The following FBXW11 variants were observed in gnomAD, a reference collection of about 807,000 sequenced individuals.
FBXW11 encodes the protein F-box and WD repeat domain containing 11.
A neutral mutation model predicts 77.6 loss-of-function variants in FBXW11; 19 were observed. That is an observed-to-expected ratio of 0.24 (90% CI 0.17 to 0.36). The LOEUF (loss-of-function observed/expected upper bound fraction) is 0.36, where lower values mean the gene tolerates loss of function less well. FBXW11 is among the 10% of genes least tolerant of loss of function. The pLI is 1.00. For missense variants in FBXW11, 334 were observed against 704.2 expected (o/e 0.47, Z 5.95); for synonymous variants, 235 against 249.4 (o/e 0.94, Z 0.54).
intron 1 of FBXW11, among the ~76,000 whole-genome samples, chr5:171,982,303 C>G (rs575208406): frequency 1.3e-5 from 2 of 151,956 alleles, no homozygotes; most frequent in South Asian, 4.2e-4. Flanking sequence ...GAGTTTTGCT[C>G]TTGTTGCCCA....
chr5:171,878,184 A>C, intron 7 of FBXW11, 55 bp from the exon 8 acceptor site: 2 of 1,240,156 alleles, frequency 1.6e-6, no homozygotes, highest in Non-Finnish European at 2.4e-6. Flanking sequence ...ATTTTGATGA[A>C]TGTTACTGTC....
intron 12 of FBXW11, 150 bp from the exon 13 acceptor site, chr5:171,868,946 C>T (rs1757597619): frequency 1.6e-6 from 1 of 629,390 alleles, no homozygotes; most frequent in Admixed American, 3.5e-5. Context: ...TCCTTCATCC[C>T]AAGAACAAAT....
intron 2 of FBXW11, among the ~76,000 whole-genome samples, chr5:171,939,958 T>C (rs929295270): frequency 6.6e-6 from 1 of 152,160 alleles, no homozygotes; most frequent in Non-Finnish European, 1.5e-5. Context: ...TAAATCTCTA[T>C]AGACTACTTA....
chr5:171,892,743 C>G (rs915237205), intron 6 of FBXW11, among the ~76,000 whole-genome samples: 1 of 152,194 alleles, frequency 6.6e-6, no homozygotes, highest in African/African-American at 2.4e-5. Flanking sequence ...AATGTCTCTA[C>G]TAAGAGTAAC....
intron 2 of FBXW11, among the ~76,000 whole-genome samples, chr5:171,924,567 G>A (rs528158293): frequency 7.9e-5 from 12 of 152,114 alleles, no homozygotes; most frequent in African/African-American, 2.7e-4. Context: ...TCTTGGATGC[G>A]GGACAAGAAC....
chr5:171,870,937 C>T (rs1385856103), intron 10 of FBXW11, 79 bp from the exon 11 acceptor site: 1 of 902,268 alleles, frequency 1.1e-6, no homozygotes, highest in Non-Finnish European at 1.8e-6. Context: ...ATATCTGTTC[C>T]ATACAGATAC....
chr5:171,862,406 T>C lies in FBXW11; in HGVS notation c.*1721A>G, dbSNP rs994025455. ...ACACACACTGATCCCCACACCGTTCTCAATGCAAAGGACAAATCAGAGCCC... is the reference window on the plus strand; with the variant it reads ...ACACACACTGATCCCCACACCGTTCCCAATGCAAAGGACAAATCAGAGCCC... On this transcript the variant is annotated 3_prime_UTR_variant, in exon 14 of 14. Transcript: ENST00000517395. 1 of 129,252 alleles carries C rather than the reference T, an allele frequency of 7.7e-6. No homozygotes were observed. The highest frequency in any genetic ancestry group is 8.4e-5 in the Admixed American group (1 of 11,910). 8.0% of individuals were successfully genotyped at this position (129,252 alleles called of 1,614,324 possible).
intron 2 of FBXW11, among the ~76,000 whole-genome samples, chr5:171,915,983 G>C (rs1317043293): frequency 6.6e-6 from 1 of 150,690 alleles, no homozygotes; most frequent in South Asian, 2.1e-4. Context: ...GCAAACTATC[G>C]CAAGGACAAA....
intron 6 of FBXW11, among the ~76,000 whole-genome samples, chr5:171,896,455 C>G (rs921770497): frequency 6.6e-6 from 1 of 152,126 alleles, no homozygotes; most frequent in African/African-American, 2.4e-5. Flanking sequence ...AACTCATACC[C>G]TTTTTTCAAC....
In FBXW11 at chr5:171,876,559, T is replaced by C. The variant is rs764474794; in HGVS notation, c.972-25A>G. On this transcript the variant is annotated intron_variant, in intron 8 of 13. Coordinates refer to ENST00000517395, the MANE Select transcript of FBXW11 (RefSeq NM_001378974.1). The surrounding 1 kb of genome is among the most constrained non-coding windows in gnomAD (Gnocchi z 4.2). ...TCTAGGAGAGAAGAGAAAAGCATGA[T>C]GCTTAATTATGGAGACAGCCAGGAA... The C allele has an allele frequency of 6.2e-7, 1 of 1,607,088 alleles. No individual in the cohort carries two copies. The highest frequency in any genetic ancestry group is 2.2e-5 in the East Asian group (1 of 44,668).
intron 1 of FBXW11, among the ~76,000 whole-genome samples, chr5:171,971,143 A>G (rs1360476937): frequency 6.6e-6 from 1 of 152,164 alleles, no homozygotes; most frequent in Non-Finnish European, 1.5e-5. Flanking sequence ...GTTCCTCTAA[A>G]TCTCTCACAC....
At chr5:171,919,552 G>A in intron 2 of FBXW11, among the ~76,000 whole-genome samples, 1 of 152,174 alleles carries the variant, frequency 6.6e-6, no homozygotes, top group East Asian at 1.9e-4. Flanking sequence ...TAGCTCCAAA[G>A]AAGAATAGAG....
intron 2 of FBXW11, among the ~76,000 whole-genome samples, chr5:171,936,504 A>C (rs1249482768): frequency 3.3e-5 from 5 of 151,678 alleles, no homozygotes; most frequent in African/African-American, 1.2e-4. Context: ...TCACCAAAAA[A>C]AAAAAAAAAA....
chr5:171,941,803 A>G (rs943827842), intron 2 of FBXW11, among the ~76,000 whole-genome samples: 1 of 150,246 alleles, frequency 6.7e-6, no homozygotes, highest in East Asian at 2.0e-4. Flanking sequence ...CCAGGAATAA[A>G]GGTGCTAAAA....
At chr5:171,886,486 T>C (rs2113821745) in intron 7 of FBXW11, among the ~76,000 whole-genome samples, 1 of 152,070 alleles carries the variant, frequency 6.6e-6, no homozygotes, top group South Asian at 2.1e-4. Context: ...GAAGAGTTAA[T>C]GGGTGCAGCA....
In FBXW11 at chr5:171,998,478, A is replaced by G. The variant is rs183332131; in HGVS notation, c.45+7980T>C. 2.6e-5 allele frequency among the ~76,000 whole-genome samples: 4 copies of G among 151,422 alleles called. No individual in the cohort carries two copies. The East Asian group carries it at 7.9e-4, about 30-fold the overall frequency. The stretch of plus-strand genomic sequence containing the variant: ...GTGTGAGCCCCCATGCCCAGCCTAA[A>G]GCCCACAATATTAATGCTAAAACAA... On this transcript the variant is annotated intron_variant, in intron 1 of 13. Transcript: ENST00000517395.
At chr5:171,951,949 T>G (rs935461573) in intron 2 of FBXW11, among the ~76,000 whole-genome samples, 1 of 152,204 alleles carries the variant, frequency 6.6e-6, no homozygotes. Flanking sequence ...TTAAGTTGAA[T>G]AATTCTCTTA....
chr5:171,892,613 T>C (rs1266546915), intron 6 of FBXW11, among the ~76,000 whole-genome samples: 1 of 152,222 alleles, frequency 6.6e-6, no homozygotes, highest in Non-Finnish European at 1.5e-5. Context: ...AGGGAGATAA[T>C]GAGCTCTATA....
Position 171,900,577 on chromosome 5 carries a change from A to G in FBXW11, c.437-477T>C, listed in dbSNP as rs149785511. Among the ~76,000 whole-genome samples, 725 of 152,254 alleles carry G rather than the reference A, an allele frequency of 4.8e-3. 4 individuals carry two copies. The highest frequency in any genetic ancestry group is 0.017 in the African/African-American group (692 of 41,552). ...GTCTCTCATAACAAATCATATCCCCATTAATCCATACCCGGTGTGAATCCC... is the reference window on the plus strand; with the variant it reads ...GTCTCTCATAACAAATCATATCCCCGTTAATCCATACCCGGTGTGAATCCC... On this transcript the variant is annotated intron_variant, in intron 4 of 13. Transcript: ENST00000517395.
Sources: gnomAD v4.1 joint callset for allele counts (sites outside exome capture counted in the v4.1 genomes callset) on GRCh38, gnomAD v4.1.1 for gene constraint, Gnocchi (gnomAD v3.1) non-coding constraint, MANE v1.5 for transcripts, NCBI Gene and HGNC (gene_info 2026-07-23, HGNC 2026-07-21) for gene names.